SIDT1: variants seen among roughly 807,000 people sequenced by gnomAD.
The protein encoded by SIDT1 is SID1 transmembrane family member 1.
A neutral mutation model predicts 107.5 loss-of-function variants in SIDT1; 101 were observed. The ratio of observed to expected loss-of-function variants is 0.94; its 90% CI spans 0.80 to 1.11. The LOEUF is 1.11. SIDT1 is among the 50% of genes least tolerant of loss of function. The pLI, the probability that SIDT1 is intolerant of heterozygous loss-of-function variation, is 0.00. For missense variants in SIDT1, 1,076 were observed against 1,058.2 expected (o/e 1.02, Z -0.23); for synonymous variants, 395 against 398.2 (o/e 0.99, Z 0.10).
Position 113,585,416 on chromosome 3 carries a change from A to G in SIDT1, c.1001+146A>G, listed in dbSNP as rs1943672673. 8 of 657,090 alleles carry G rather than the reference A, an allele frequency of 1.2e-5. No homozygotes were observed. The South Asian group carries it at 1.3e-4, about 10-fold the overall frequency. The allele number at this position is 657,090 out of a possible 1,614,324, so 40.7% of individuals were successfully genotyped here. On this transcript the variant is annotated intron_variant, in intron 9 of 24. Transcript: ENST00000264852. ...CCTTGGATACCTTGTGACCTTGGAG[A>G]TGTTGCTCAACTCTCTGTGCTTCAG...
intron 9 of SIDT1, 125 bp from the exon 10 acceptor site, chr3:113,592,866 GTGTGCCACCGCACC>G: frequency 1.4e-6 from 1 of 723,886 alleles, no homozygotes; most frequent in Non-Finnish European, 2.5e-6. Flanking sequence ...GATTACAGGT[GTGTGCCACCGCACC>G]TGGCCCCAAA....
Position 113,586,670 on chromosome 3 carries a change from A to G in SIDT1, c.1001+1400A>G, listed in dbSNP as rs532446732. On this transcript the variant is annotated intron_variant, in intron 9 of 24. Transcript: ENST00000264852. Reference sequence around the variant, plus strand: ...AATAGTAGATATACAGTAAGAAATCAAACATATTGACCGGGTGATCAAAAT... The same window carrying G: ...AATAGTAGATATACAGTAAGAAATCGAACATATTGACCGGGTGATCAAAAT... Among the ~76,000 whole-genome samples, 3 of 152,290 alleles carry G rather than the reference A, an allele frequency of 2.0e-5. 1 individual carries two copies. The South Asian group carries it at 6.2e-4, about 32-fold the overall frequency.
chr3:113,629,669 T>C (rs1947064071), downstream of SIDT1: 1 of 152,242 alleles, frequency 6.6e-6, no homozygotes, highest in African/African-American at 2.4e-5. Flanking sequence ...ACAAAGTCCA[T>C]TCAAGTCGCC....
At chr3:113,583,295 G>T in intron 6 of SIDT1, 114 bp from the exon 7 acceptor site, 1 of 623,990 alleles carries the variant, frequency 1.6e-6, no homozygotes, top group Non-Finnish European at 2.7e-6. Context: ...TAGAGGGCAG[G>T]GGTGAACTTT....
At chr3:113,619,586 A>G in intron 20 of SIDT1, 94 bp from the exon 21 acceptor site, 3 of 1,074,460 alleles carry the variant, frequency 2.8e-6, no homozygotes, top group Non-Finnish European at 2.8e-6. Flanking sequence ...CACCAATGCA[A>G]TTGTTTTCCC....
intron 7 of SIDT1, 133 bp downstream of exon 7, chr3:113,583,629 A>G (rs979147110): frequency 2.8e-5 from 15 of 541,378 alleles, no homozygotes; most frequent in Non-Finnish European, 4.6e-5. Flanking sequence ...AAGGCATCTG[A>G]GAGATACTTG....
intron 9 of SIDT1, among the ~76,000 whole-genome samples, chr3:113,586,023 C>G (rs1022949608): frequency 3.3e-5 from 5 of 152,106 alleles, no homozygotes; most frequent in African/African-American, 1.2e-4. Flanking sequence ...GAAAACAAAG[C>G]CAGAATTGAG....
At chr3:113,620,259 T>A (rs1308422649) in intron 21 of SIDT1, among the ~76,000 whole-genome samples, 1 of 151,600 alleles carries the variant, frequency 6.6e-6, no homozygotes, top group Non-Finnish European at 1.5e-5. Context: ...CTCCAGTCTC[T>A]TTCTTTCTAC....
chr3:113,604,768 C>A (rs989274808), intron 13 of SIDT1, 142 bp from the exon 14 acceptor site: 1 of 857,202 alleles, frequency 1.2e-6, no homozygotes, highest in Non-Finnish European at 1.9e-6. Context: ...ACTGGAGAAA[C>A]AAGAACCACA....
chr3:113,569,297 G>A (rs771119646), intron 3 of SIDT1, among the ~76,000 whole-genome samples: 19 of 152,076 alleles, frequency 1.2e-4, no homozygotes, highest in South Asian at 2.1e-4. Flanking sequence ...TATGTTTGAC[G>A]ATAATTTATT....
At chr3:113,581,679 C>G in intron 6 of SIDT1, 1 of 459,720 alleles carries the variant, frequency 2.2e-6, no homozygotes, top group African/African-American at 2.0e-5. Flanking sequence ...TTGAGACCAG[C>G]CTGGCCAATA....
chr3:113,605,122 C>CCCTTTT, intron 14 of SIDT1, 146 bp downstream of exon 14: 1 of 307,000 alleles, frequency 3.3e-6, no homozygotes, highest in Non-Finnish European at 5.4e-6. Flanking sequence ...CTATTGCTTC[C>CCCTTTT]TCTTTTTTTT....
intron 10 of SIDT1, among the ~76,000 whole-genome samples, chr3:113,597,385 T>TA (rs1944641237): frequency 6.7e-6 from 1 of 149,958 alleles, no homozygotes; most frequent in Non-Finnish European, 1.5e-5. Context: ...TAGTCCCAGC[T>TA]ACTCAGGAGG....
At chr3:113,627,564 T>C in intron 24 of SIDT1, 82 bp from the exon 25 acceptor site, 1 of 1,328,270 alleles carries the variant, frequency 7.5e-7, no homozygotes, top group African/African-American at 1.4e-5. Flanking sequence ...GTTTCCAGTC[T>C]GTGTGCATCT....
At position 113,604,999 on chromosome 3, in the gene SIDT1, C is replaced by T. The variant is rs756213171; in HGVS notation, c.1404+23C>T. The stretch of plus-strand genomic sequence containing the variant: ...ACAGTAAGTGCTGCCCCAGCCCCAG[C>T]CCCAGAGTCCCAGCTTTCTTTCTGC... On this transcript the variant is annotated intron_variant, in intron 14 of 24. Coordinates refer to ENST00000264852, the MANE Select transcript of SIDT1 (RefSeq NM_017699.3). The T allele has an allele frequency of 3.7e-6, 6 of 1,613,014 alleles. No homozygotes were observed. In the East Asian group the frequency reaches 1.1e-4, roughly 30 times the overall value.
At chr3:113,603,276 T>A in intron 12 of SIDT1, 126 bp downstream of exon 12, 1 of 972,364 alleles carries the variant, frequency 1.0e-6, no homozygotes, top group Non-Finnish European at 1.5e-6. Flanking sequence ...CCAGAAGACT[T>A]AAATCAAATG....
At chr3:113,604,824 G>A in intron 13 of SIDT1, 86 bp from the exon 14 acceptor site, 2 of 1,466,640 alleles carry the variant, frequency 1.4e-6, no homozygotes, top group Non-Finnish European at 1.9e-6. Flanking sequence ...GGACTTATGG[G>A]GTGGAAGCAT....
chr3:113,623,929 T>C (rs1464065531), intron 23 of SIDT1, among the ~76,000 whole-genome samples, 196 bp downstream of exon 23: 1 of 152,224 alleles, frequency 6.6e-6, no homozygotes, highest in Admixed American at 6.5e-5. Flanking sequence ...ACTTTATAAA[T>C]CTGTAAGTAC....
At chr3:113,566,948 T>C (rs1941973074) in intron 2 of SIDT1, among the ~76,000 whole-genome samples, 1 of 152,160 alleles carries the variant, frequency 6.6e-6, no homozygotes, top group African/African-American at 2.4e-5. Flanking sequence ...CTATTAAGTG[T>C]TGGGTGCTGG....
Sources: gnomAD v4.1 joint callset for allele counts (sites outside exome capture counted in the v4.1 genomes callset) on GRCh38, gnomAD v4.1.1 for gene constraint, MANE v1.5 for transcripts, NCBI Gene and HGNC (gene_info 2026-07-23, HGNC 2026-07-21) for gene names.